BCKDHB: variants seen among roughly 807,000 people sequenced by gnomAD.
BCKDHB encodes the protein branched chain keto acid dehydrogenase E1 subunit beta, also known as 2-oxoisovalerate dehydrogenase subunit beta, mitochondrial.
A neutral mutation model predicts 48.5 loss-of-function variants in BCKDHB; 41 were observed. The observed-to-expected ratio is 0.85, with a 90% confidence interval of 0.66 to 1.10. The LOEUF (loss-of-function observed/expected upper bound fraction) is 1.10, where lower values mean the gene tolerates loss of function less well. Ranked by LOEUF, BCKDHB falls within the 50% of genes least tolerant of loss-of-function variation. The pLI, the probability that BCKDHB is intolerant of heterozygous loss-of-function variation, is 0.00. For missense variants in BCKDHB, 496 were observed against 494.2 expected (o/e 1.00, Z -0.03); for synonymous variants, 201 against 174.8 (o/e 1.15, Z -1.18).
chr6:80,226,881 G>A (rs1326377646), intron 8 of BCKDHB, among the ~76,000 whole-genome samples: 1 of 152,182 alleles, frequency 6.6e-6, no homozygotes, highest in Non-Finnish European at 1.5e-5. Flanking sequence ...GAGCTCTGAG[G>A]CATGGAGAGG....
At chr6:80,293,558 GGTC>G (rs1417139871) in intron 9 of BCKDHB, among the ~76,000 whole-genome samples, 1 of 152,156 alleles carries the variant, frequency 6.6e-6, no homozygotes, top group African/African-American at 2.4e-5. Flanking sequence ...CCACCGTGAA[GGTC>G]TCTGACATGC....
At chr6:80,368,358 T>C in the BCKDHB span, among the ~76,000 whole-genome samples, 1 of 152,222 alleles carries the variant, frequency 6.6e-6, no homozygotes, top group Non-Finnish European at 1.5e-5. Context: ...ACTGCTGGTT[T>C]ATTGACCAAA....
intron 3 of BCKDHB, among the ~76,000 whole-genome samples, chr6:80,161,282 ATATT>A (rs201731084): frequency 0.072 from 10,913 of 152,220 alleles, 587 homozygotes; most frequent in South Asian, 0.24. Flanking sequence ...TATTTTAGGA[ATATT>A]AATTTTTTAT....
intron 3 of BCKDHB, among the ~76,000 whole-genome samples, chr6:80,160,398 T>C (rs1013721572): frequency 3.9e-5 from 6 of 152,162 alleles, no homozygotes; most frequent in Non-Finnish European, 8.8e-5. Flanking sequence ...CCTCAAGTGA[T>C]CCGCCCACCT....
At chr6:80,220,260 A>G (rs2127858673) in intron 8 of BCKDHB, among the ~76,000 whole-genome samples, 1 of 145,342 alleles carries the variant, frequency 6.9e-6, no homozygotes, top group Non-Finnish European at 1.5e-5. Flanking sequence ...CTCATCAATC[A>G]AAATTTCCCC....
chr6:80,329,869 ACTC>A (rs1769233521), intron 9 of BCKDHB, among the ~76,000 whole-genome samples: 1 of 151,682 alleles, frequency 6.6e-6, no homozygotes, highest in Non-Finnish European at 1.5e-5. Context: ...CCTTTTTAGC[ACTC>A]CTCAAACACC....
chr6:80,315,072 G>A (rs1055967170), intron 9 of BCKDHB, among the ~76,000 whole-genome samples: 2 of 152,108 alleles, frequency 1.3e-5, no homozygotes, highest in Non-Finnish European at 2.9e-5. Context: ...CAAGCCACTG[G>A]GTCTTATCTT....
intron 9 of BCKDHB, among the ~76,000 whole-genome samples, chr6:80,279,376 G>A (rs1778104942): frequency 6.6e-6 from 1 of 151,916 alleles, no homozygotes; most frequent in Admixed American, 6.6e-5. Context: ...GGCTGGTCTC[G>A]AACTCCTGAC....
chr6:80,242,873 G>A (rs112770227), intron 8 of BCKDHB, among the ~76,000 whole-genome samples: 53 of 152,218 alleles, frequency 3.5e-4, no homozygotes, highest in African/African-American at 1.1e-3. Flanking sequence ...AAATTGGGTA[G>A]GTTTCCAGAG....
At chr6:80,196,010 G>C (rs1347824881) in intron 6 of BCKDHB, among the ~76,000 whole-genome samples, 1 of 152,098 alleles carries the variant, frequency 6.6e-6, no homozygotes, top group Non-Finnish European at 1.5e-5. Context: ...ATGTTTGTGG[G>C]GAAACTAGCA....
At chr6:80,440,534 A>G in the BCKDHB span, among the ~76,000 whole-genome samples, 1 of 151,960 alleles carries the variant, frequency 6.6e-6, no homozygotes, top group Non-Finnish European at 1.5e-5. Context: ...TACACTGATC[A>G]GTCTCTTCTC....
the BCKDHB span, among the ~76,000 whole-genome samples, chr6:80,373,469 C>A: frequency 5.9e-5 from 9 of 151,942 alleles, no homozygotes; most frequent in African/African-American, 1.9e-4. Flanking sequence ...TTCTTCTAGG[C>A]TCTTTGTTAT....
the BCKDHB span, among the ~76,000 whole-genome samples, chr6:80,403,973 G>A: frequency 3.3e-5 from 5 of 152,032 alleles, no homozygotes; most frequent in Admixed American, 6.6e-5. Context: ...ACTGAATTTG[G>A]TTTGTCAGTG....
chr6:80,438,186 A>G, the BCKDHB span, among the ~76,000 whole-genome samples: 1 of 152,234 alleles, frequency 6.6e-6, no homozygotes, highest in Non-Finnish European at 1.5e-5. Flanking sequence ...AACACAGTGC[A>G]TACACACAGG....
At chr6:80,258,757 A>G (rs1479296873) in intron 8 of BCKDHB, among the ~76,000 whole-genome samples, 1 of 152,176 alleles carries the variant, frequency 6.6e-6, no homozygotes. Context: ...AGTAAAAAAA[A>G]AAAAAGCATC....
intron 8 of BCKDHB, among the ~76,000 whole-genome samples, chr6:80,266,486 A>T (rs1322498101): frequency 6.6e-6 from 1 of 152,094 alleles, no homozygotes; most frequent in East Asian, 1.9e-4. Flanking sequence ...CTAGTCCAGT[A>T]CAATACCTTT....
At chr6:80,296,266 GAC>G (rs1260539484) in intron 9 of BCKDHB, among the ~76,000 whole-genome samples, 1 of 152,116 alleles carries the variant, frequency 6.6e-6, no homozygotes, top group Non-Finnish European at 1.5e-5. Context: ...ATTAAAACAA[GAC>G]AACAATTGTC....
chr6:80,129,273 C>G, intron 3 of BCKDHB, 44 bp downstream of exon 3: 1 of 1,485,618 alleles, frequency 6.7e-7, no homozygotes, highest in Non-Finnish European at 9.4e-7. Context: ...AGAACTTTTA[C>G]TAAAAGATCT....
Position 80,344,925 on chromosome 6 carries a change from C to A in BCKDHB, c.*1121C>A, listed in dbSNP as rs980018673. On this transcript the variant is annotated 3_prime_UTR_variant, in exon 10 of 10. Coordinates refer to ENST00000320393, the MANE Select transcript of BCKDHB (RefSeq NM_183050.4). ...ATTCTGAAACTTGCCTGTATATTATCTGAAAAATGGATTTCTTGAGCAAAA... is the reference window on the plus strand; with the variant it reads ...ATTCTGAAACTTGCCTGTATATTATATGAAAAATGGATTTCTTGAGCAAAA... 9.9e-5 allele frequency: 15 copies of A among 152,104 alleles called. No individual in the cohort carries two copies. The highest frequency in any genetic ancestry group is 9.2e-4 in the Admixed American group (14 of 15,262). The allele number at this position is 152,104 out of a possible 1,614,324, so 9.4% of individuals were successfully genotyped here. A position where few individuals can be genotyped will look rare whatever the true frequency, so the allele number is the denominator to read the frequency against.
Sources: allele counts gnomAD v4.1 joint callset (sites outside exome capture counted in the v4.1 genomes callset), GRCh38; gene constraint gnomAD v4.1.1; transcripts MANE v1.5; gene names NCBI Gene and HGNC (gene_info 2026-07-23, HGNC 2026-07-21).